The following CPNE4 variants were observed in gnomAD, a reference collection of about 807,000 sequenced individuals.
The protein encoded by CPNE4 is copine-4.
Under a neutral mutation model 67.9 loss-of-function variants are expected in CPNE4, and 25 were observed. The ratio of observed to expected loss-of-function variants is 0.37; its 90% CI spans 0.27 to 0.51. The LOEUF (loss-of-function observed/expected upper bound fraction) is 0.51, where lower values mean the gene tolerates loss of function less well. Ranked by LOEUF, CPNE4 falls within the 20% of genes least tolerant of loss-of-function variation. CPNE4 has a pLI of 0.93. For synonymous variants in CPNE4, 242 were observed against 244.9 expected (o/e 0.99, Z 0.11); for missense variants, 464 against 690.8 (o/e 0.67, Z 3.68).
chr3:132,038,002 TC>T (rs1376254578), upstream of CPNE4: 5 of 45,482 alleles, frequency 1.1e-4, no homozygotes, highest in Non-Finnish European at 1.7e-4. Flanking sequence ...TTATTTTCTT[TC>T]TTTTTTTTTT....
At position 131,631,743 on chromosome 3, in the gene CPNE4, T is replaced by G. The variant is rs138737485; in HGVS notation, c.681+37932A>C. 5.5e-3 allele frequency among the ~76,000 whole-genome samples: 834 copies of G among 151,906 alleles called. 6 individuals are homozygous for G. Among genetic ancestry groups the G allele is most frequent in the African/African-American group, 0.019 (788 of 41,430 alleles). On this transcript the variant is annotated intron_variant, in intron 7 of 15. Transcript: ENST00000429747. ...AAACATTGAAGTAGTAGTTTTTGTG[T>G]GGGGGAAATGTAGGAGGGGTTGCAG...
At chr3:131,909,966 CAG>C (rs1232965679) in intron 1 of CPNE4, among the ~76,000 whole-genome samples, 11 of 152,080 alleles carry the variant, frequency 7.2e-5, no homozygotes, top group South Asian at 4.2e-4. Flanking sequence ...CAACGGGAAA[CAG>C]AGGATTTGAA....
rs551562291 is a variant in CPNE4, at chr3:131,604,675, G to A, written c.682-17093C>T. Among the ~76,000 whole-genome samples, 12 of 152,172 alleles carry A rather than the reference G, an allele frequency of 7.9e-5. 1 individual carries two copies. The highest frequency in any genetic ancestry group is 2.9e-4 in the African/African-American group (12 of 41,512). The stretch of plus-strand genomic sequence containing the variant: ...TCGGACTCCATGTTCTTCAGTTTTG[G>A]AACTCGGACTGGCTCTCCTTGCTCC... On this transcript the variant is annotated intron_variant, in intron 7 of 15. Coordinates refer to ENST00000429747, the MANE Select transcript of CPNE4 (RefSeq NM_130808.3).
intron 1 of CPNE4, among the ~76,000 whole-genome samples, chr3:131,996,026 T>C (rs2073283396): frequency 6.6e-6 from 1 of 152,192 alleles, no homozygotes; most frequent in African/African-American, 2.4e-5. Context: ...TCCTGTGCAA[T>C]ATCTGACATT....
At chr3:131,902,479 G>GA (rs1261446160) in intron 2 of CPNE4, among the ~76,000 whole-genome samples, 1 of 152,076 alleles carries the variant, frequency 6.6e-6, no homozygotes. Context: ...GTTTATTGCA[G>GA]TATTACTTAA....
Position 131,617,899 on chromosome 3 carries a change from C to T in CPNE4, c.682-30317G>A, listed in dbSNP as rs77500113. On this transcript the variant is annotated intron_variant, in intron 7 of 15. Transcript: ENST00000429747. The stretch of plus-strand genomic sequence containing the variant: ...CTGTTTGACACCAATATTAACTCAC[C>T]ATCAGTCAAGTCATTCATTCATTCA... 5.9e-3 allele frequency among the ~76,000 whole-genome samples: 894 copies of T among 152,274 alleles called. 7 individuals are homozygous for T. The highest frequency in any genetic ancestry group is 0.02 in the African/African-American group (823 of 41,550).
chr3:132,016,573 A>T (rs1325826246), intron 1 of CPNE4, among the ~76,000 whole-genome samples: 2 of 152,228 alleles, frequency 1.3e-5, no homozygotes, highest in Non-Finnish European at 2.9e-5. Context: ...GAGAGAGAAA[A>T]ACAGGTTCTC....
At position 131,699,899 on chromosome 3, in the gene CPNE4, G is replaced by T; in HGVS notation, c.432+10C>A. 6.2e-7 allele frequency: 1 copy of T among 1,611,856 alleles called. No homozygotes were observed. The highest frequency in any genetic ancestry group is 8.5e-7 in the Non-Finnish European group (1 of 1,178,452). ...TCAGGCAGACAGCTGCTTAGGGAGT[G>T]CCTGCTTACCGTGATGGAAGATTTC... On this transcript the variant is annotated intron_variant, in intron 4 of 15. Transcript: ENST00000429747.
intron 1 of CPNE4, among the ~76,000 whole-genome samples, chr3:131,975,795 T>A (rs1444739675): frequency 6.6e-6 from 1 of 152,192 alleles, no homozygotes; most frequent in African/African-American, 2.4e-5. Flanking sequence ...TGCATAGATA[T>A]GTATGCCTAG....
intron 2 of CPNE4, among the ~76,000 whole-genome samples, chr3:131,765,481 C>A (rs190871475): frequency 3.9e-5 from 6 of 152,178 alleles, no homozygotes; most frequent in Admixed American, 2.6e-4. Flanking sequence ...ATCATAAATT[C>A]TTCCCAGTCC....
intron 2 of CPNE4, among the ~76,000 whole-genome samples, chr3:131,812,727 G>C (rs904887320): frequency 6.6e-6 from 1 of 152,196 alleles, no homozygotes; most frequent in East Asian, 1.9e-4. Flanking sequence ...CAGCTGAGAG[G>C]CCAGTGAAGG....
intron 2 of CPNE4, among the ~76,000 whole-genome samples, chr3:131,872,193 T>G (rs568436360): frequency 4.0e-5 from 6 of 151,852 alleles, no homozygotes; most frequent in Admixed American, 2.6e-4. Context: ...TGTGTGTGTG[T>G]GTAGAGAGAG....
At chr3:131,718,208 T>C (rs1464617858) in intron 3 of CPNE4, among the ~76,000 whole-genome samples, 1 of 152,044 alleles carries the variant, frequency 6.6e-6, no homozygotes, top group Non-Finnish European at 1.5e-5. Flanking sequence ...TTGTCCAGGC[T>C]GGTCTCAAAC....
In CPNE4 at chr3:131,982,333, ATAAGT is replaced by A. The variant is rs148372051; in HGVS notation, c.-2+52229_-2+52233del. Among the ~76,000 whole-genome samples, 1,492 of 152,348 alleles carry A rather than the reference ATAAGT, an allele frequency of 9.8e-3. 12 individuals carry two copies. The highest frequency in any genetic ancestry group is 0.014 in the Non-Finnish European group (980 of 68,032). The stretch of plus-strand genomic sequence containing the variant: ...AAGATATAAATACATTTGTCATGAA[ATAAGT>A]TAATGAAGATATCAGAATTCTTAAG... On this transcript the variant is annotated intron_variant, in intron 1 of 15. Coordinates refer to ENST00000429747, the MANE Select transcript of CPNE4 (RefSeq NM_130808.3).
chr3:131,801,452 G>GTATATA (rs71136416), intron 2 of CPNE4, among the ~76,000 whole-genome samples: 2,435 of 53,290 alleles, frequency 0.046, 133 homozygotes, highest in Non-Finnish European at 0.059. Context: ...GTGTGTGTGT[G>GTATATA]TATATATATA....
Position 131,985,214 on chromosome 3 carries a change from A to G in CPNE4, c.-2+49353T>C, listed in dbSNP as rs529054157. Among the ~76,000 whole-genome samples, 7 of 152,252 alleles carry G rather than the reference A, an allele frequency of 4.6e-5. No homozygotes were observed. The South Asian group carries it at 1.5e-3, about 32-fold the overall frequency. ...TCCCATTCATGAAGACTCTACCCTCATCACCTAAATTACCTCCCAAAGTTC... is the reference window on the plus strand; with the variant it reads ...TCCCATTCATGAAGACTCTACCCTCGTCACCTAAATTACCTCCCAAAGTTC... On this transcript the variant is annotated intron_variant, in intron 1 of 15. Coordinates refer to ENST00000429747, the MANE Select transcript of CPNE4 (RefSeq NM_130808.3).
chr3:131,766,111 A>G (rs1160833578), intron 2 of CPNE4, among the ~76,000 whole-genome samples: 1 of 152,124 alleles, frequency 6.6e-6, no homozygotes, highest in Non-Finnish European at 1.5e-5. Flanking sequence ...TTCAAGGGAT[A>G]ACCTCCGGCA....
At chr3:131,617,230 G>A (rs757341936) in intron 7 of CPNE4, among the ~76,000 whole-genome samples, 8 of 152,222 alleles carry the variant, frequency 5.3e-5, no homozygotes, top group Non-Finnish European at 1.2e-4. Flanking sequence ...TGGAAGGGGA[G>A]ATTACTTAAC....
At chr3:131,599,989 GCCCCAGGAA>G (rs2107722334) in intron 7 of CPNE4, among the ~76,000 whole-genome samples, 1 of 152,262 alleles carries the variant, frequency 6.6e-6, no homozygotes, top group Admixed American at 6.5e-5. Flanking sequence ...TGAAACAAGA[GCCCCAGGAA>G]TCCAGTTTTG....
Sources: gnomAD v4.1 joint callset for allele counts (sites outside exome capture counted in the v4.1 genomes callset) on GRCh38, gnomAD v4.1.1 for gene constraint, MANE v1.5 for transcripts, NCBI Gene and HGNC (gene_info 2026-07-23, HGNC 2026-07-21) for gene names.